ABCA1: variants seen among roughly 807,000 people sequenced by gnomAD.
The protein encoded by ABCA1 is phospholipid-transporting ATPase ABCA1.
ABCA1 carries 133 observed loss-of-function variants against 262.5 expected under a neutral mutation model. That is an observed-to-expected ratio of 0.51 (90% CI 0.44 to 0.59). ABCA1 has a LOEUF of 0.59. Ranked by LOEUF, ABCA1 falls within the 20% of genes least tolerant of loss-of-function variation. The pLI, the probability that ABCA1 is intolerant of heterozygous loss-of-function variation, is 0.00. For missense variants in ABCA1, 2,452 were observed against 2,777.5 expected, an observed-to-expected ratio of 0.88 and a Z score of 2.63; for synonymous variants, 1,022 against 1,043.5, an observed-to-expected ratio of 0.98 and a Z score of 0.40.
At chr9:104,862,651 G>GCCCCCCAC (rs1564198183) in intron 5 of ABCA1, among the ~76,000 whole-genome samples, 5 of 6,724 alleles carry the variant, frequency 7.4e-4, no homozygotes, top group East Asian at 5.2e-3. Flanking sequence ...GGCCGGGCCG[G>GCCCCCCAC]GCCGGGCCGG....
intron 28 of ABCA1, 32 bp from the exon 29 acceptor site, chr9:104,810,956 C>T (rs1831227166): frequency 6.2e-7 from 1 of 1,613,804 alleles, no homozygotes; most frequent in East Asian, 2.2e-5. Flanking sequence ...GGCAGGGGGA[C>T]AGCAGGAAAC....
chr9:104,890,576 G>A (rs1394942087), intron 2 of ABCA1, among the ~76,000 whole-genome samples: 3 of 151,066 alleles, frequency 2.0e-5, no homozygotes, highest in Admixed American at 6.6e-5. Flanking sequence ...GAGAGACTCC[G>A]TCTCAAAAAC....
At chr9:104,799,560 T>G (rs1445862116) in intron 36 of ABCA1, 6 of 983,778 alleles carry the variant, frequency 6.1e-6, no homozygotes, top group Non-Finnish European at 7.2e-6. Context: ...AATTAACAAT[T>G]TTTGAACTCA....
At chr9:104,790,570 G>A (rs1829339312) in intron 44 of ABCA1, among the ~76,000 whole-genome samples, 1 of 152,190 alleles carries the variant, frequency 6.6e-6, no homozygotes, top group South Asian at 2.1e-4. Flanking sequence ...TAAGACAGAT[G>A]TGGGGTGATG....
chr9:104,823,413 C>T (rs1832544752), intron 18 of ABCA1, among the ~76,000 whole-genome samples: 1 of 152,222 alleles, frequency 6.6e-6, no homozygotes, highest in Non-Finnish European at 1.5e-5. Context: ...GGTTTTGATA[C>T]TATTCTACAG....
At chr9:104,910,881 A>ATT (rs922560748) in intron 1 of ABCA1, among the ~76,000 whole-genome samples, 1 of 151,834 alleles carries the variant, frequency 6.6e-6, no homozygotes, top group Non-Finnish European at 1.5e-5. Flanking sequence ...ACTTTTTTGT[A>ATT]TTTTTAATAG....
intron 5 of ABCA1, among the ~76,000 whole-genome samples, chr9:104,863,663 T>C (rs1284401712): frequency 6.6e-6 from 1 of 152,214 alleles, no homozygotes; most frequent in Admixed American, 6.5e-5. Flanking sequence ...ACAGAATAAA[T>C]TGAGCAAGAT....
intron 15 of ABCA1, 57 bp from the exon 16 acceptor site, chr9:104,827,226 G>T: frequency 2.8e-6 from 4 of 1,424,806 alleles, no homozygotes; most frequent in Admixed American, 3.5e-5. Context: ...GCACTCACTT[G>T]TATGATCTAC....
intron 7 of ABCA1, among the ~76,000 whole-genome samples, chr9:104,853,933 T>C (rs1205632964): frequency 6.6e-6 from 1 of 152,228 alleles, no homozygotes; most frequent in Admixed American, 6.5e-5. Context: ...ATATGCACAT[T>C]TCATAGCAAA....
At chr9:104,807,812 C>CA (rs901941263) in intron 30 of ABCA1, among the ~76,000 whole-genome samples, 16 of 136,286 alleles carry the variant, frequency 1.2e-4, no homozygotes, top group Admixed American at 1.6e-4. Flanking sequence ...GACTCCATCT[C>CA]AAAAAAAAAT....
intron 15 of ABCA1, among the ~76,000 whole-genome samples, chr9:104,828,636 G>A (rs1398241303): frequency 1.3e-5 from 2 of 152,156 alleles, no homozygotes; most frequent in African/African-American, 2.4e-5. Flanking sequence ...CACTACCAAT[G>A]AGACAGCATG....
rs894909216 is a variant in ABCA1, at chr9:104,819,673, T to C, written c.3154A>G (p.Lys1052Glu). 6.2e-7 allele frequency: 1 copy of C among 1,614,166 alleles called. No homozygotes were observed. The highest frequency in any genetic ancestry group is 2.2e-5 in the East Asian group (1 of 44,878). ...GTGGGTTCATCCAGAATGACAACCT[T>C]AGATCCCCCGACAAAGGCCAAGGCC... ...SVALAFVGGS[K>E]VVILDEPTAG... The change falls in exon 22 of 50, where the codon AAG becomes GAG. Residue 1052 changes from lysine to glutamate, a missense_variant. Lys to Glu is a moderately conservative substitution (Grantham distance 56). This residue lies in a region of ABCA1 where 665 missense variants were observed against 727.3 expected (regional missense o/e 0.91). Transcript: ENST00000374736.
At chr9:104,885,695 C>T (rs997892768) in intron 3 of ABCA1, among the ~76,000 whole-genome samples, 1 of 152,140 alleles carries the variant, frequency 6.6e-6, no homozygotes, top group Non-Finnish European at 1.5e-5. Flanking sequence ...TGGTTTGCGG[C>T]CGTAATACAT....
intron 33 of ABCA1, among the ~76,000 whole-genome samples, chr9:104,802,992 T>A (rs1830469667): frequency 6.6e-6 from 1 of 152,188 alleles, no homozygotes; most frequent in Non-Finnish European, 1.5e-5. Flanking sequence ...TGCAGGAGAT[T>A]TCTGATTCTC....
intron 1 of ABCA1, among the ~76,000 whole-genome samples, chr9:104,920,585 C>T (rs1030678232): frequency 1.3e-5 from 2 of 152,202 alleles, no homozygotes; most frequent in African/African-American, 4.8e-5. Flanking sequence ...CATCTCGGCT[C>T]ACTGCAATCT....
Position 104,786,915 on chromosome 9 carries a change from C to A in ABCA1, c.6266G>T (p.Ser2089Ile). 1 of 1,614,028 alleles carries A rather than the reference C, an allele frequency of 6.2e-7. No homozygotes were observed. Among genetic ancestry groups the A allele is most frequent in the Admixed American group, 1.7e-5 (1 of 60,016 alleles). ...ARRFLWNCALSVVKEGRSVVL... is the reference protein window; with the variant it reads ...ARRFLWNCALIVVKEGRSVVL... ...TACTGATCTCCCCTCCTTGACAACA[C>A]TTAGGGCACAATTCCACAAGAACCG... The change falls in exon 47 of 50, where the codon AGT becomes ATT. Residue 2089 changes from serine (S) to isoleucine (I), a missense_variant. Ser to Ile is a moderately radical substitution (Grantham distance 142, BLOSUM62 -2). Around this residue, in one of 4 missense-constraint regions of ABCA1, gnomAD observed 752 missense variants for 944.5 expected, o/e 0.80. Coordinates refer to ENST00000374736, the MANE Select transcript of ABCA1 (RefSeq NM_005502.4).
chr9:104,875,180 T>A (rs938682130), intron 5 of ABCA1, among the ~76,000 whole-genome samples: 7 of 151,504 alleles, frequency 4.6e-5, no homozygotes, highest in Admixed American at 3.3e-4. Flanking sequence ...AATAAATAAA[T>A]AAAAATTAAA....
intron 13 of ABCA1, 23 bp downstream of exon 13, chr9:104,831,599 T>C (rs1194721973): frequency 1.3e-6 from 2 of 1,598,742 alleles, no homozygotes; most frequent in South Asian, 1.1e-5. Flanking sequence ...AAGACCAGGC[T>C]GGTGTGATGG....
chr9:104,917,468 T>G (rs1348994054), intron 1 of ABCA1, among the ~76,000 whole-genome samples: 1 of 152,056 alleles, frequency 6.6e-6, no homozygotes, highest in Non-Finnish European at 1.5e-5. Flanking sequence ...CATTAAGGAG[T>G]AAGCGGCCGG....
Sources: gnomAD v4.1 joint callset for allele counts (sites outside exome capture counted in the v4.1 genomes callset) on GRCh38, gnomAD v4.1.1 for gene constraint, gnomAD v4.1.1 regional missense constraint, MANE v1.5 for transcripts, NCBI Gene and HGNC (gene_info 2026-07-23, HGNC 2026-07-21) for gene names.